The following TGFBR3 variants were observed in gnomAD, a reference collection of about 807,000 sequenced individuals.
TGFBR3 encodes the protein transforming growth factor beta receptor type 3.
TGFBR3 carries 46 observed loss-of-function variants against 87.9 expected under a neutral mutation model. The ratio of observed to expected loss-of-function variants is 0.52; its 90% CI spans 0.41 to 0.67. The LOEUF (loss-of-function observed/expected upper bound fraction) is 0.67, where lower values mean the gene tolerates loss of function less well. TGFBR3 is among the 30% of genes least tolerant of loss of function. The probability of loss-of-function intolerance (pLI) is 0.00; values close to 1 mark genes in which losing one functional copy is unlikely to be tolerated. For synonymous variants in TGFBR3, 381 were observed against 391.6 expected, an observed-to-expected ratio of 0.97 and a Z score of 0.32; for missense variants, 866 against 1,041.9, an observed-to-expected ratio of 0.83 and a Z score of 2.32.
chr1:91,796,847 G>C lies in TGFBR3; in HGVS notation c.246+440C>G, dbSNP rs561028134. Reference sequence around the variant, plus strand: ...TCCTCTTGCTTCAGCCTCCCAAGTAGCTGGGACTACATGTGCTAACTACCA... The same window carrying C: ...TCCTCTTGCTTCAGCCTCCCAAGTACCTGGGACTACATGTGCTAACTACCA... On this transcript the variant is annotated intron_variant, in intron 3 of 16. Transcript: ENST00000212355. 2.0e-5 allele frequency among the ~76,000 whole-genome samples: 3 copies of C among 152,012 alleles called. No individual in the cohort carries two copies. In the South Asian group the frequency reaches 6.2e-4, roughly 32 times the overall value.
At chr1:91,755,198 A>G (rs111892188) in intron 4 of TGFBR3, 7 of 152,274 alleles carry the variant, frequency 4.6e-5, no homozygotes, top group African/African-American at 1.4e-4. Flanking sequence ...TAACTATACA[A>G]ATGGATAAAG....
At chr1:91,733,214 T>C (rs1406917249) in intron 5 of TGFBR3, among the ~76,000 whole-genome samples, 1 of 152,236 alleles carries the variant, frequency 6.6e-6, no homozygotes, top group African/African-American at 2.4e-5. Flanking sequence ...TTTTGAGTTA[T>C]GCTTATTTGG....
chr1:91,738,450 G>A (rs1673039023), intron 4 of TGFBR3, among the ~76,000 whole-genome samples: 1 of 152,160 alleles, frequency 6.6e-6, no homozygotes, highest in African/African-American at 2.4e-5. Flanking sequence ...TTGGTAATAA[G>A]TGAACTCTCG....
In TGFBR3 at chr1:91,727,794, CA is replaced by C; in HGVS notation, c.749del (p.Val250GlyfsTer3). 6.2e-7 allele frequency: 1 copy of C among 1,613,796 alleles called. No individual in the cohort carries two copies. The highest frequency in any genetic ancestry group is 8.5e-7 in the Non-Finnish European group (1 of 1,179,952). Reference protein sequence around the residue: ...PNSNPYSAFQVDITIDIRPSQ... With the variant: ...PNSNPYSAFQXDITIDIRPSQ... ...AAGGTCTTATATCAATTGTTATATCCACCTGGAAAGCACTGTGAATGGAAGA... is the reference window on the plus strand; with the variant it reads ...AAGGTCTTATATCAATTGTTATATCCCCTGGAAAGCACTGTGAATGGAAGA... On this transcript the variant is annotated frameshift_variant, in exon 7 of 17. Transcript: ENST00000212355. LOFTEE classifies it high-confidence loss of function.
intron 1 of TGFBR3, among the ~76,000 whole-genome samples, chr1:91,902,867 AG>A (rs1679761747): frequency 6.6e-6 from 1 of 151,958 alleles, no homozygotes; most frequent in Admixed American, 6.6e-5. Context: ...GGACAGGGGC[AG>A]TGCCAGGCTC....
rs371416150 is a variant in TGFBR3, at chr1:91,800,986, G to A, written c.62-3515C>T. 8.6e-4 allele frequency: 188 copies of A among 219,352 alleles called. 1 individual carries two copies. Among genetic ancestry groups the A allele is most frequent in the African/African-American group, 4.4e-3 (186 of 42,500 alleles). 13.6% of individuals were successfully genotyped at this position (219,352 alleles called of 1,614,324 possible). ...GTAATCCTAGTACTCAGGAGGCTGA[G>A]GCAGAAGAATCGCTTGAACCCGGGA... On this transcript the variant is annotated intron_variant, in intron 2 of 16. Coordinates refer to ENST00000212355, the MANE Select transcript of TGFBR3 (RefSeq NM_003243.5).
intron 3 of TGFBR3, among the ~76,000 whole-genome samples, chr1:91,788,681 G>A (rs1181813294): frequency 6.6e-6 from 1 of 152,218 alleles, no homozygotes; most frequent in East Asian, 1.9e-4. Flanking sequence ...CTGGAAAACT[G>A]GAGACGCTGC....
At chr1:91,852,720 C>T (rs1163439964) in intron 2 of TGFBR3, among the ~76,000 whole-genome samples, 1 of 152,220 alleles carries the variant, frequency 6.6e-6, no homozygotes, top group East Asian at 1.9e-4. Context: ...GCAGCCACCA[C>T]CATGCCACTC....
intron 1 of TGFBR3, 68 bp downstream of exon 1, chr1:91,885,810 A>C (rs974205489): frequency 4.6e-6 from 1 of 215,188 alleles, no homozygotes; most frequent in East Asian, 1.8e-4. Context: ...GCCGACGGGC[A>C]CCCGCGCAGC....
chr1:91,808,949 G>GA (rs1042766031), intron 2 of TGFBR3, among the ~76,000 whole-genome samples: 1 of 152,166 alleles, frequency 6.6e-6, no homozygotes, highest in Admixed American at 6.5e-5. Flanking sequence ...AAGGATGGGA[G>GA]AAAATAAGAT....
At chr1:91,763,269 G>A (rs1258069009) in intron 3 of TGFBR3, among the ~76,000 whole-genome samples, 4 of 152,104 alleles carry the variant, frequency 2.6e-5, no homozygotes, top group Non-Finnish European at 2.9e-5. Flanking sequence ...TCATTAAAAC[G>A]AACGAAAAAG....
At chr1:91,859,783 C>G (rs2101185174) in intron 2 of TGFBR3, among the ~76,000 whole-genome samples, 1 of 152,090 alleles carries the variant, frequency 6.6e-6, no homozygotes, top group Non-Finnish European at 1.5e-5. Flanking sequence ...GTGGCACACG[C>G]CTGTAGTCCC....
intron 1 of TGFBR3, among the ~76,000 whole-genome samples, chr1:91,899,853 A>C (rs988640102): frequency 6.6e-6 from 1 of 151,986 alleles, no homozygotes; most frequent in Non-Finnish European, 1.5e-5. Context: ...CAGGAGGCTG[A>C]GGCAGGAGAA....
At chr1:91,685,772 G>A (rs892881877) in intron 16 of TGFBR3, among the ~76,000 whole-genome samples, 1 of 152,048 alleles carries the variant, frequency 6.6e-6, no homozygotes, top group African/African-American at 2.4e-5. Flanking sequence ...CCCAGAGTAG[G>A]AGCTTTATTT....
At chr1:91,850,378 T>A (rs937493548) in intron 2 of TGFBR3, among the ~76,000 whole-genome samples, 1 of 152,234 alleles carries the variant, frequency 6.6e-6, no homozygotes, top group African/African-American at 2.4e-5. Context: ...ATTATAACTT[T>A]AACTTTCAGC....
chr1:91,797,265 G>A, intron 3 of TGFBR3, 22 bp downstream of exon 3: 1 of 1,613,330 alleles, frequency 6.2e-7, no homozygotes, highest in Non-Finnish European at 8.5e-7. Context: ...GCAGTGGGCT[G>A]AGAGCTGACA....
At chr1:91,705,656 A>T (rs1671777836) in intron 14 of TGFBR3, among the ~76,000 whole-genome samples, 1 of 152,260 alleles carries the variant, frequency 6.6e-6, no homozygotes, top group Non-Finnish European at 1.5e-5. Flanking sequence ...GAGGAGTCAC[A>T]CACAGCTGAA....
chr1:91,789,157 A>G lies in TGFBR3; in HGVS notation c.246+8130T>C, dbSNP rs560422342. Among the ~76,000 whole-genome samples the G allele has an allele frequency of 4.6e-5, 7 of 152,276 alleles. No homozygotes were observed. The East Asian group carries it at 9.6e-4, about 21-fold the overall frequency. ...CTAAAACTCTACTAAAAATACAAAA[A>G]TTAGCTGGGCATGGTGGCGTATGCC... On this transcript the variant is annotated intron_variant, in intron 3 of 16. Transcript: ENST00000212355.
rs914059517 is a variant in TGFBR3, at chr1:91,861,525, A to G, written c.7T>C (p.Ser3Pro). The stretch of plus-strand genomic sequence containing the variant: ...GCAAAGATGGCAATCACATAATGGG[A>G]AGTCATTTTTATTTCTCCAACAGTG... The part of the protein sequence containing the change: MT[S>P]HYVIAIFALM... Residue 3 changes from serine (S) to proline (P), a missense_variant, in exon 2 of 17, where the codon TCC (serine) becomes CCC (proline). Ser to Pro is a moderately conservative substitution (Grantham distance 74). Coordinates refer to ENST00000212355, the MANE Select transcript of TGFBR3 (RefSeq NM_003243.5). 2 of 1,613,568 alleles carry G rather than the reference A, an allele frequency of 1.2e-6. No individual in the cohort carries two copies. The highest frequency in any genetic ancestry group is 2.7e-5 in the African/African-American group (2 of 74,924).
Sources: allele counts gnomAD v4.1 joint callset (sites outside exome capture counted in the v4.1 genomes callset), GRCh38; gene constraint gnomAD v4.1.1; transcripts MANE v1.5; gene names NCBI Gene and HGNC (gene_info 2026-07-23, HGNC 2026-07-21).